The following WIPF1 variants were observed in gnomAD, a reference collection of about 807,000 sequenced individuals.
WIPF1 encodes WAS/WASL-interacting protein family member 1.
In WIPF1, 13 loss-of-function variants were observed where a neutral mutation model predicts 35.4. The ratio of observed to expected loss-of-function variants is 0.37; its 90% CI spans 0.24 to 0.58. WIPF1 has a LOEUF of 0.58. Ranked by LOEUF, WIPF1 falls within the 20% of genes least tolerant of loss-of-function variation. The probability of loss-of-function intolerance (pLI) is 0.74; values close to 1 mark genes in which losing one functional copy is unlikely to be tolerated. For synonymous variants in WIPF1, 267 were observed against 266.3 expected (o/e 1.00, Z -0.02); for missense variants, 591 against 667.0 (o/e 0.89, Z 1.25).
At chr2:174,596,178 A>G (rs1275580468) in intron 1 of WIPF1, among the ~76,000 whole-genome samples, 2 of 152,224 alleles carry the variant, frequency 1.3e-5, no homozygotes, top group African/African-American at 2.4e-5. Context: ...GTAACCCTTA[A>G]AAGGTTAGAT....
intron 1 of WIPF1, chr2:174,623,632 G>A (rs1686741751): frequency 6.6e-6 from 1 of 152,186 alleles, no homozygotes; most frequent in Non-Finnish European, 1.5e-5. Context: ...ACCTCTAGCT[G>A]AAATTTTGCA....
Position 174,568,251 on chromosome 2 carries a change from G to A in WIPF1, c.1130-178C>T, listed in dbSNP as rs1392712248. On this transcript the variant is annotated intron_variant, in intron 5 of 7. Coordinates refer to ENST00000679041, the MANE Select transcript of WIPF1 (RefSeq NM_001375834.1). The stretch of plus-strand genomic sequence containing the variant: ...ACAGAAACACAAAAATTGCACATGT[G>A]TACACATGTATATGCAAAACAAGTG... Among the ~76,000 whole-genome samples, 3 of 152,138 alleles carry A rather than the reference G, an allele frequency of 2.0e-5. No homozygotes were observed. The East Asian group carries it at 5.8e-4, about 29-fold the overall frequency.
At chr2:174,562,781 A>G (rs1197260250) in intron 7 of WIPF1, among the ~76,000 whole-genome samples, 179 bp from the exon 8 acceptor site, 3 of 152,244 alleles carry the variant, frequency 2.0e-5, no homozygotes, top group Non-Finnish European at 4.4e-5. Context: ...AATGTTCTGA[A>G]TAAACATCAT....
chr2:174,564,970 A>G (rs1684608462), intron 7 of WIPF1, among the ~76,000 whole-genome samples: 1 of 150,486 alleles, frequency 6.6e-6, no homozygotes, highest in South Asian at 2.1e-4. Flanking sequence ...ACTTCTGCTC[A>G]CCGCAACCTC....
intron 1 of WIPF1, among the ~76,000 whole-genome samples, chr2:174,669,694 G>A (rs1254552500): frequency 2.0e-5 from 3 of 152,144 alleles, no homozygotes; most frequent in African/African-American, 7.2e-5. Context: ...GGCCAACATA[G>A]CAATACTCCA....
At chr2:174,631,003 G>A (rs1687003039) in intron 1 of WIPF1, among the ~76,000 whole-genome samples, 1 of 152,260 alleles carries the variant, frequency 6.6e-6, no homozygotes, top group African/African-American at 2.4e-5. Flanking sequence ...CTTATAATAT[G>A]AGGTATCTTC....
At chr2:174,638,047 A>T (rs1687222792) in intron 1 of WIPF1, among the ~76,000 whole-genome samples, 1 of 152,200 alleles carries the variant, frequency 6.6e-6, no homozygotes, top group Non-Finnish European at 1.5e-5. Context: ...TTGGACTAAG[A>T]GATGTAATTT....
At position 174,561,692 on chromosome 2, in the gene WIPF1, T is replaced by C. The variant is rs1199216198; in HGVS notation, c.*855A>G. On this transcript the variant is annotated 3_prime_UTR_variant, in exon 8 of 8. Transcript: ENST00000679041. ...ATTTTATTTTTAGTTGCCTCTTGAATCGCTCAAGCCCATCTTGCCTTTTTT... is the reference window on the plus strand; with the variant it reads ...ATTTTATTTTTAGTTGCCTCTTGAACCGCTCAAGCCCATCTTGCCTTTTTT... 2 of 168,062 alleles carry C rather than the reference T, an allele frequency of 1.2e-5. No homozygotes were observed. Among genetic ancestry groups the C allele is most frequent in the African/African-American group, 4.8e-5 (2 of 41,810 alleles). The allele number at this position is 168,062 out of a possible 1,614,324, so 10.4% of individuals were successfully genotyped here.
chr2:174,621,686 G>GT (rs1686679469), intron 1 of WIPF1, among the ~76,000 whole-genome samples: 2 of 152,118 alleles, frequency 1.3e-5, no homozygotes, highest in South Asian at 4.1e-4. Context: ...TTAACCTAAT[G>GT]TATTTACAAT....
At chr2:174,608,110 ACT>A (rs1453505938) in intron 1 of WIPF1, among the ~76,000 whole-genome samples, 1 of 151,964 alleles carries the variant, frequency 6.6e-6, no homozygotes, top group African/African-American at 2.4e-5. Context: ...AGATTTAACG[ACT>A]CTTTCTCACG....
At chr2:174,657,762 T>C (rs1687673933) in intron 1 of WIPF1, among the ~76,000 whole-genome samples, 1 of 151,788 alleles carries the variant, frequency 6.6e-6, no homozygotes, top group South Asian at 2.1e-4. Context: ...AATAAAAAAT[T>C]AGCTGGGCGT....
At chr2:174,674,948 A>ACG (rs576751803) in intron 1 of WIPF1, among the ~76,000 whole-genome samples, 8,618 of 147,064 alleles carry the variant, frequency 0.059, 576 homozygotes, top group East Asian at 0.12. Context: ...ACACACACAC[A>ACG]GATGTTCCAG....
intron 1 of WIPF1, among the ~76,000 whole-genome samples, chr2:174,653,741 C>CAAAAAAAAAA (rs1175251483): frequency 1.7e-5 from 1 of 57,890 alleles, no homozygotes; most frequent in African/African-American, 5.6e-5. Flanking sequence ...GCCTCTGTCT[C>CAAAAAAAAAA]AAAAAAAAAA....
intron 1 of WIPF1, among the ~76,000 whole-genome samples, chr2:174,670,194 C>A (rs567134704): frequency 6.6e-6 from 1 of 152,136 alleles, no homozygotes; most frequent in African/African-American, 2.4e-5. Flanking sequence ...CCTGCCCCCC[C>A]ATCCCACTGA....
chr2:174,609,361 G>T (rs1472139622), intron 1 of WIPF1, among the ~76,000 whole-genome samples: 23 of 152,148 alleles, frequency 1.5e-4, no homozygotes, highest in Non-Finnish European at 3.4e-4. Flanking sequence ...TCATACAAAT[G>T]AAATACTTTG....
At chr2:174,613,086 C>T (rs1027792760) in intron 1 of WIPF1, among the ~76,000 whole-genome samples, 2 of 152,206 alleles carry the variant, frequency 1.3e-5, no homozygotes, top group Non-Finnish European at 2.9e-5. Flanking sequence ...CTTACCATAG[C>T]TCTTCCTGCC....
intron 4 of WIPF1, chr2:174,574,819 A>G: frequency 1.4e-6 from 1 of 707,338 alleles, no homozygotes; most frequent in Non-Finnish European, 2.6e-6. Flanking sequence ...GCTCACAAGT[A>G]TTTACTCTAC....
chr2:174,575,245 G>C lies in WIPF1; in HGVS notation c.317C>G (p.Ala106Gly). ...CGTGGATCTCAGCTTCGGCATTCCA[G>C]CCTGGAACAATCCTCCCAGACCTGG... ...GPPGLGGLFQ[A>G]GMPKLRSTAN... The change falls in exon 4 of 8, where the codon GCT (alanine) becomes GGT (glycine). Residue 106 changes from alanine to glycine, a missense_variant. By Grantham distance (60) the Ala-to-Gly change is moderately conservative (BLOSUM62 0). Transcript: ENST00000679041. The C allele has an allele frequency of 6.2e-7, 1 of 1,613,756 alleles. No homozygotes were observed. Among genetic ancestry groups the C allele is most frequent in the Non-Finnish European group, 8.5e-7 (1 of 1,179,788 alleles).
intron 1 of WIPF1, among the ~76,000 whole-genome samples, chr2:174,637,734 T>C (rs1277291740): frequency 1.3e-5 from 2 of 152,120 alleles, no homozygotes; most frequent in African/African-American, 2.4e-5. Flanking sequence ...TTGCAGTGAG[T>C]CGAGATTGCG....
Sources: allele counts gnomAD v4.1 joint callset (sites outside exome capture counted in the v4.1 genomes callset), GRCh38; gene constraint gnomAD v4.1.1; transcripts MANE v1.5; gene names NCBI Gene and HGNC (gene_info 2026-07-23, HGNC 2026-07-21).